Variants in ASAP1 observed in about 807,000 individuals in gnomAD.
The protein encoded by ASAP1 is ArfGAP with SH3 domain, ankyrin repeat and PH domain 1.
ASAP1 carries 43 observed loss-of-function variants against 145.2 expected under a neutral mutation model. The observed-to-expected ratio is 0.30, with a 90% CI of 0.23 to 0.38. The LOEUF is 0.38. Among genes scored for constraint, ASAP1 ranks in the 10% least tolerant of loss-of-function variants. The pLI is 1.00. For synonymous variants in ASAP1, 546 were observed against 515.5 expected, an observed-to-expected ratio of 1.06 and a Z score of -0.80; for missense variants, 1,018 against 1,355.3, an observed-to-expected ratio of 0.75 and a Z score of 3.91.
intron 5 of ASAP1, among the ~76,000 whole-genome samples, chr8:130,209,199 C>T (rs1343785391): frequency 6.6e-6 from 1 of 152,168 alleles, no homozygotes; most frequent in Non-Finnish European, 1.5e-5. Flanking sequence ...GATCCCTACA[C>T]AACCAATAAA....
intron 26 of ASAP1, among the ~76,000 whole-genome samples, chr8:130,077,519 T>G (rs2097465581): frequency 6.7e-6 from 1 of 148,888 alleles, no homozygotes. Flanking sequence ...TCCTAAGAGT[T>G]GGTTGCTGCT....
At chr8:130,167,679 T>A in intron 10 of ASAP1, 57 bp from the exon 11 acceptor site, 1 of 1,294,996 alleles carries the variant, frequency 7.7e-7, no homozygotes, top group Non-Finnish European at 1.1e-6. Context: ...AGGCAGAGTT[T>A]AATTTATCCA....
chr8:130,183,242 G>C (rs1814490523), intron 7 of ASAP1, among the ~76,000 whole-genome samples: 1 of 150,116 alleles, frequency 6.7e-6, no homozygotes, highest in African/African-American at 2.4e-5. Flanking sequence ...CAAATAAATG[G>C]GAATCAGAAA....
At chr8:130,103,716 TGGTCTTG>T (rs1357690872) in intron 24 of ASAP1, among the ~76,000 whole-genome samples, 1 of 152,176 alleles carries the variant, frequency 6.6e-6, no homozygotes, top group Non-Finnish European at 1.5e-5. Flanking sequence ...TTGGCCAGGC[TGGTCTTG>T]GGTCTTGAAT....
chr8:130,204,427 T>G (rs1189292262), intron 5 of ASAP1, among the ~76,000 whole-genome samples: 1 of 152,156 alleles, frequency 6.6e-6, no homozygotes, highest in African/African-American at 2.4e-5. Context: ...ACTCAGTTTG[T>G]GAGCTCTTAA....
At position 130,438,686 on chromosome 8, in the gene ASAP1, A is replaced by G. The variant is rs541649769; in HGVS notation, c.-28+4774T>C. ...AATTAGTGTCCCTGGGTTGAAAGTG[A>G]ACAATCGGGCCGACAGCTGAAGAAT... On this transcript the variant is annotated intron_variant, in intron 1 of 29. Transcript: ENST00000518721. 3.9e-5 allele frequency among the ~76,000 whole-genome samples: 6 copies of G among 152,224 alleles called. No homozygotes were observed. In the South Asian group the frequency reaches 1.2e-3, roughly 32 times the overall value.
chr8:130,340,396 C>T (rs1291539579), intron 3 of ASAP1, among the ~76,000 whole-genome samples: 2 of 152,178 alleles, frequency 1.3e-5, no homozygotes, highest in African/African-American at 4.8e-5. Flanking sequence ...GAAATAAACA[C>T]AAATTAACTC....
chr8:130,154,415 G>A (rs2097653757), intron 12 of ASAP1, among the ~76,000 whole-genome samples: 1 of 152,026 alleles, frequency 6.6e-6, no homozygotes, highest in Non-Finnish European at 1.5e-5. Context: ...TGCATGTGTG[G>A]TAGATCTGCG....
In ASAP1 at chr8:130,397,147, G is replaced by GTTA. The variant is rs201707613; in HGVS notation, c.59+4737_59+4738insTAA. Among the ~76,000 whole-genome samples the GTTA allele has an allele frequency of 4.5e-3, 660 of 147,834 alleles. 1 individual carries two copies. The highest frequency in any genetic ancestry group is 0.016 in the African/African-American group (643 of 40,186). On this transcript the variant is annotated intron_variant, in intron 2 of 29. Transcript: ENST00000518721. ...TTCACATATTTATGAGAATTTTGTT[G>GTTA]TTGTTGTTGTTAAGAAAGAGTCTAG...
At chr8:130,160,749 T>C in intron 11 of ASAP1, 1 of 1,238,574 alleles carries the variant, frequency 8.1e-7, no homozygotes, top group Non-Finnish European at 1.1e-6. Context: ...GACATACAAG[T>C]AGGACAATAT....
chr8:130,319,664 C>G (rs567265557), intron 3 of ASAP1, among the ~76,000 whole-genome samples: 1 of 152,270 alleles, frequency 6.6e-6, no homozygotes, highest in South Asian at 2.1e-4. Flanking sequence ...TACTGAGATC[C>G]CTTCCTGGGA....
At chr8:130,327,348 C>T (rs1196574683) in intron 3 of ASAP1, among the ~76,000 whole-genome samples, 1 of 152,126 alleles carries the variant, frequency 6.6e-6, no homozygotes, top group African/African-American at 2.4e-5. Flanking sequence ...CTGAACAGCT[C>T]CAACTGGACC....
intron 2 of ASAP1, among the ~76,000 whole-genome samples, chr8:130,395,988 C>G (rs12678808): frequency 0.24 from 37,150 of 152,028 alleles, 4,965 homozygotes; most frequent in African/African-American, 0.34. Context: ...TTTTAAGCCA[C>G]CAAGTTTGTG....
chr8:130,133,785 A>C (rs1303260021), intron 15 of ASAP1, among the ~76,000 whole-genome samples: 1 of 151,976 alleles, frequency 6.6e-6, no homozygotes, highest in East Asian at 1.9e-4. Flanking sequence ...TGTTCACCCC[A>C]GTGAAAGGCA....
At chr8:130,208,773 TG>T (rs1204835598) in intron 5 of ASAP1, 3 of 152,216 alleles carry the variant, frequency 2.0e-5, no homozygotes, top group Admixed American at 6.5e-5. Context: ...ATTCATTACA[TG>T]GGGCTCTCGG....
At chr8:130,431,622 G>A (rs141740273) in intron 1 of ASAP1, among the ~76,000 whole-genome samples, 1 of 152,230 alleles carries the variant, frequency 6.6e-6, no homozygotes, top group East Asian at 1.9e-4. Flanking sequence ...TCCCTGCAAG[G>A]TGGAGTCAGG....
At chr8:130,108,775 T>G (rs1027435381) in intron 24 of ASAP1, among the ~76,000 whole-genome samples, 34 of 129,632 alleles carry the variant, frequency 2.6e-4, no homozygotes, top group Non-Finnish European at 4.4e-4. Flanking sequence ...TTTTTTTTTT[T>G]TTTTTTTTTT....
At chr8:130,118,041 T>C (rs2097559262) in intron 20 of ASAP1, 120 bp downstream of exon 20, 2 of 735,662 alleles carry the variant, frequency 2.7e-6, no homozygotes, top group Non-Finnish European at 4.3e-6. Flanking sequence ...AAATAATTTT[T>C]ATATCTAGCA....
At chr8:130,374,436 A>G (rs917007660) in intron 2 of ASAP1, among the ~76,000 whole-genome samples, 13 of 152,210 alleles carry the variant, frequency 8.5e-5, no homozygotes, top group Non-Finnish European at 1.6e-4. Context: ...TTGGGAGTCC[A>G]AGGCAGGAGG....
Sources: gnomAD v4.1 joint callset for allele counts (sites outside exome capture counted in the v4.1 genomes callset) on GRCh38, gnomAD v4.1.1 for gene constraint, MANE v1.5 for transcripts, NCBI Gene and HGNC (gene_info 2026-07-23, HGNC 2026-07-21) for gene names.